SLC1A7: variants seen among roughly 807,000 people sequenced by gnomAD.
The protein encoded by SLC1A7 is solute carrier family 1 member 7.
SLC1A7 carries 40 observed loss-of-function variants against 47.7 expected under a neutral mutation model. That is an observed-to-expected ratio of 0.84 (90% CI 0.65 to 1.09). The LOEUF (loss-of-function observed/expected upper bound fraction) is 1.09, where lower values mean the gene tolerates loss of function less well. Ranked by LOEUF, SLC1A7 falls within the 50% of genes least tolerant of loss-of-function variation. The pLI is 0.00. For missense variants in SLC1A7, 746 were observed against 769.5 expected (o/e 0.97, Z 0.36); for synonymous variants, 323 against 325.6 (o/e 0.99, Z 0.09).
intron 2 of SLC1A7, 115 bp from the exon 3 acceptor site, chr1:53,115,088 C>T: frequency 4.0e-6 from 3 of 745,252 alleles, no homozygotes; most frequent in South Asian, 1.7e-5. Flanking sequence ...CTCCAGGGAA[C>T]CCCATTCTTC....
chr1:53,100,679 C>T (rs67524061), intron 5 of SLC1A7, among the ~76,000 whole-genome samples: 30,907 of 149,978 alleles, frequency 0.21, 3,297 homozygotes, highest in Middle Eastern at 0.28. Context: ...CGACTTGCCT[C>T]GGTACACTCA....
intron 1 of SLC1A7, among the ~76,000 whole-genome samples, chr1:53,136,206 T>A (rs1248624779): frequency 6.8e-6 from 1 of 147,902 alleles, no homozygotes; most frequent in Non-Finnish European, 1.5e-5. Context: ...ATATATATTT[T>A]TTAGACAGAG....
intron 2 of SLC1A7, among the ~76,000 whole-genome samples, chr1:53,129,442 G>C (rs1453665707): frequency 6.6e-6 from 1 of 151,434 alleles, no homozygotes; most frequent in African/African-American, 2.4e-5. Flanking sequence ...CATGCTTCCT[G>C]CTCCCCCGCC....
chr1:53,099,831 C>T (rs1049515202), intron 5 of SLC1A7, among the ~76,000 whole-genome samples: 1 of 151,632 alleles, frequency 6.6e-6, no homozygotes, highest in Admixed American at 6.6e-5. Context: ...TACACTCACA[C>T]ACCCTGCCTC....
Position 53,096,674 on chromosome 1 carries a change from T to TAC in SLC1A7, c.698-3116_698-3115dup, listed in dbSNP as rs1027358078. 3.5e-5 allele frequency among the ~76,000 whole-genome samples: 5 copies of TAC among 144,388 alleles called. No individual in the cohort carries two copies. In the East Asian group the frequency reaches 6.4e-4, roughly 19 times the overall value. 94.7% of individuals were successfully genotyped at this position (144,388 alleles called of 152,430 possible). ...CACACATCCACACACACTGCCTCAG[T>TAC]ACACACACACACCGCCTCAATACAC... On this transcript the variant is annotated intron_variant, in intron 5 of 10. Transcript: ENST00000371494.
At chr1:53,113,486 G>A (rs1046543992) in intron 3 of SLC1A7, among the ~76,000 whole-genome samples, 3 of 152,024 alleles carry the variant, frequency 2.0e-5, no homozygotes, top group Non-Finnish European at 2.9e-5. Context: ...ACTTGGATGC[G>A]TGGGCCAGAA....
At chr1:53,096,546 C>T (rs986275493) in intron 5 of SLC1A7, among the ~76,000 whole-genome samples, 1 of 151,032 alleles carries the variant, frequency 6.6e-6, no homozygotes, top group Non-Finnish European at 1.5e-5. Flanking sequence ...TACACTCACA[C>T]CCCATGCCTC....
intron 2 of SLC1A7, among the ~76,000 whole-genome samples, chr1:53,120,219 T>C (rs568982311): frequency 2.9e-4 from 44 of 152,136 alleles, no homozygotes; most frequent in Non-Finnish European, 4.7e-4. Flanking sequence ...CTCCCCTGGT[T>C]CTCGCACCAA....
intron 10 of SLC1A7, 48 bp from the exon 11 acceptor site, chr1:53,088,275 A>T (rs781756481): frequency 6.8e-7 from 1 of 1,478,808 alleles, no homozygotes. Flanking sequence ...GACCAAGGTT[A>T]GATACGAGGG....
chr1:53,105,831 G>A (rs1384312957), intron 3 of SLC1A7, 57 bp from the exon 4 acceptor site: 1 of 1,480,668 alleles, frequency 6.8e-7, no homozygotes, highest in African/African-American at 1.4e-5. Context: ...AGGGCCCTGG[G>A]GGTTGTGGCC....
chr1:53,134,253 GT>G, intron 2 of SLC1A7, 96 bp downstream of exon 2: 1 of 829,428 alleles, frequency 1.2e-6, no homozygotes. Flanking sequence ...AGGGCCTGTG[GT>G]TGCTCTCCAG....
At chr1:53,095,821 C>A (rs1335642915) in intron 5 of SLC1A7, among the ~76,000 whole-genome samples, 2 of 149,758 alleles carry the variant, frequency 1.3e-5, no homozygotes, top group East Asian at 4.0e-4. Context: ...GGTACACTCA[C>A]ACACACTGCC....
intron 3 of SLC1A7, among the ~76,000 whole-genome samples, chr1:53,113,802 A>G (rs1644725668): frequency 1.3e-5 from 2 of 152,130 alleles, no homozygotes; most frequent in Non-Finnish European, 2.9e-5. Context: ...TGAATTCTCC[A>G]GCAGGGGTTT....
intron 5 of SLC1A7, among the ~76,000 whole-genome samples, chr1:53,095,994 AC>A (rs956163440): frequency 1.0e-4 from 14 of 134,102 alleles, no homozygotes; most frequent in African/African-American, 4.0e-4. Flanking sequence ...GTACACACAC[AC>A]CCCGCCTCAG....
At chr1:53,090,933 C>G (rs1187374993) in intron 7 of SLC1A7, 127 bp from the exon 8 acceptor site, 1 of 1,538,096 alleles carries the variant, frequency 6.5e-7, no homozygotes, top group Non-Finnish European at 8.8e-7. Flanking sequence ...CAGCGCTGCT[C>G]CGGCAGGAGG....
At chr1:53,112,972 T>C (rs1167750681) in intron 3 of SLC1A7, among the ~76,000 whole-genome samples, 5 of 151,944 alleles carry the variant, frequency 3.3e-5, no homozygotes, top group Non-Finnish European at 5.9e-5. Context: ...CAGCCCTTCC[T>C]AGCCCACTCC....
intron 2 of SLC1A7, among the ~76,000 whole-genome samples, chr1:53,131,052 G>A (rs1021885643): frequency 6.6e-6 from 1 of 152,188 alleles, no homozygotes; most frequent in Non-Finnish European, 1.5e-5. Flanking sequence ...TTAGTGACAC[G>A]GTTGCTCTGC....
Position 53,114,972 on chromosome 1 carries a change from A to C in SLC1A7, c.217T>G (p.Leu73Val), listed in dbSNP as rs529397062. The change falls in exon 3 of 11, where the codon TTG (leucine) becomes GTG (valine). Residue 73 changes from leucine to valine, a missense_variant and splice_region_variant. Transcript: ENST00000371494. ...MMILPLVVSS[L>V]MSGLASLDAK... is the part of the protein sequence containing the mutation. ...TCCAGGGAGGCAAGTCCGGACATCA[A>C]GCTGGGAGGGCGAGGGGGTCAGGGG... The C allele has an allele frequency of 6.2e-7, 1 of 1,612,910 alleles. No homozygotes were observed. The highest frequency in any genetic ancestry group is 1.7e-5 in the Admixed American group (1 of 59,990).
chr1:53,088,690 A>G (rs1644385916), intron 10 of SLC1A7, among the ~76,000 whole-genome samples, 187 bp downstream of exon 10: 1 of 152,220 alleles, frequency 6.6e-6, no homozygotes, highest in Non-Finnish European at 1.5e-5. Context: ...CGCCAGCCAC[A>G]GCGGGTGCTC....
Sources: gnomAD v4.1 joint callset for allele counts (sites outside exome capture counted in the v4.1 genomes callset) on GRCh38, gnomAD v4.1.1 for gene constraint, MANE v1.5 for transcripts, NCBI Gene and HGNC (gene_info 2026-07-23, HGNC 2026-07-21) for gene names.